TMEM181: variants seen among roughly 807,000 people sequenced by gnomAD.
TMEM181 encodes the protein G protein-coupled receptor 178.
In TMEM181, 39 loss-of-function variants were observed where a neutral mutation model predicts 71.9. That is an observed-to-expected ratio of 0.54 (90% CI 0.42 to 0.71). The LOEUF (loss-of-function observed/expected upper bound fraction) is 0.71, where lower values mean the gene tolerates loss of function less well. Among genes scored for constraint, TMEM181 ranks in the 30% least tolerant of loss-of-function variants. TMEM181 has a pLI of 0.00. For missense variants in TMEM181, 595 were observed against 583.0 expected (o/e 1.02, Z -0.21); for synonymous variants, 245 against 228.8 (o/e 1.07, Z -0.64).
intron 6 of TMEM181, among the ~76,000 whole-genome samples, chr6:158,591,436 G>A (rs1784104069): frequency 1.3e-5 from 2 of 152,080 alleles, no homozygotes; most frequent in African/African-American, 4.8e-5. Context: ...CTTTGCCTCA[G>A]CCAGCCTTTC....
At chr6:158,605,817 C>T (rs886265730) in intron 7 of TMEM181, among the ~76,000 whole-genome samples, 3 of 152,074 alleles carry the variant, frequency 2.0e-5, no homozygotes, top group African/African-American at 7.2e-5. Context: ...GGTTTGTGTC[C>T]ACAAACCCAC....
At chr6:158,624,545 T>C (rs1786159878) in intron 11 of TMEM181, among the ~76,000 whole-genome samples, 1 of 152,232 alleles carries the variant, frequency 6.6e-6, no homozygotes, top group Non-Finnish European at 1.5e-5. Context: ...CCATCACAGC[T>C]CCATCTTCAG....
Position 158,631,359 on chromosome 6 carries a change from T to C in TMEM181, c.1319T>C (p.Leu440Pro). 1.2e-6 allele frequency: 2 copies of C among 1,614,234 alleles called. No individual in the cohort carries two copies. Among genetic ancestry groups the C allele is most frequent in the South Asian group, 1.1e-5 (1 of 91,088 alleles). ...QLKDNPAFSMLNDSDDDVIYG... is the reference protein window; with the variant it reads ...QLKDNPAFSMPNDSDDDVIYG... ...AAAGACAATCCTGCCTTCTCCATGCTGAATGACTCGGATGATGATGTGATT... is the reference window on the plus strand; with the variant it reads ...AAAGACAATCCTGCCTTCTCCATGCCGAATGACTCGGATGATGATGTGATT... The change falls in exon 16 of 17, where the codon CTG becomes CCG. Residue 440 changes from leucine (L) to proline (P), a missense_variant. Transcript: ENST00000684151.
rs966386148 is a variant in TMEM181, at chr6:158,573,505, A to G, written c.94A>G (p.Ile32Val). 10 of 1,607,142 alleles carry G rather than the reference A, an allele frequency of 6.2e-6. No homozygotes were observed. The highest frequency in any genetic ancestry group is 1.3e-5 in the African/African-American group (1 of 74,840). Residue 32 changes from isoleucine to valine, a missense_variant, in exon 2 of 17, where the codon ATC (isoleucine) becomes GTC (valine). Ile to Val is a conservative substitution (Grantham distance 29). Transcript: ENST00000684151. ...CTTCTTCATCTGCTTTGGCCTGACC[A>G]TCTTCGTTGGGATCAGAGGTAAGGT... ...VVFFICFGLT[I>V]FVGIRGPKVI...
intron 10 of TMEM181, among the ~76,000 whole-genome samples, chr6:158,612,462 C>T (rs1410099984): frequency 6.6e-6 from 1 of 152,212 alleles, no homozygotes; most frequent in Non-Finnish European, 1.5e-5. Flanking sequence ...AGCCATGCTC[C>T]TGTCAGTTAA....
In TMEM181 at chr6:158,615,481, T is replaced by C. The variant is rs186910632; in HGVS notation, c.896+6731T>C. Among the ~76,000 whole-genome samples the C allele has an allele frequency of 9.2e-5, 14 of 152,370 alleles. No individual in the cohort carries two copies. The East Asian group carries it at 2.5e-3, about 27-fold the overall frequency. On this transcript the variant is annotated intron_variant, in intron 10 of 16. Transcript: ENST00000684151. ...TTTCTTTTGCTGTGCAGAAGCTCTT[T>C]AGTTTAATTAGATCCCATATGTCTA...
intron 2 of TMEM181, among the ~76,000 whole-genome samples, chr6:158,578,044 C>G (rs955764922): frequency 2.0e-5 from 3 of 152,006 alleles, no homozygotes; most frequent in Admixed American, 6.6e-5. Flanking sequence ...GAGCTGAGAT[C>G]GCGCCATTGC....
chr6:158,629,274 T>G (rs1583062112), intron 14 of TMEM181, among the ~76,000 whole-genome samples: 1 of 152,240 alleles, frequency 6.6e-6, no homozygotes, highest in African/African-American at 2.4e-5. Context: ...CACACTAAGC[T>G]TTTATCTGAT....
chr6:158,608,685 T>C lies in TMEM181; in HGVS notation c.831T>C (p.Tyr277=). The change falls in exon 10 of 17, where the codon TAT becomes TAC. Residue 277 remains tyrosine (Y), a synonymous_variant. Transcript: ENST00000684151. ...VQGERKCLTF[Y]LPKFFIVGLL... Reference sequence around the variant, plus strand: ...GAGAAAGAAAGTGTTTAACTTTCTATTTGCCTAAATTCTTCATTGTTGGAC... The same window carrying C: ...GAGAAAGAAAGTGTTTAACTTTCTACTTGCCTAAATTCTTCATTGTTGGAC... 1 of 1,611,508 alleles carries C rather than the reference T, an allele frequency of 6.2e-7. No individual in the cohort carries two copies. The highest frequency in any genetic ancestry group is 8.5e-7 in the Non-Finnish European group (1 of 1,179,412).
chr6:158,549,346 C>T (rs1316834077), intron 1 of TMEM181, among the ~76,000 whole-genome samples: 1 of 152,132 alleles, frequency 6.6e-6, no homozygotes, highest in Non-Finnish European at 1.5e-5. Context: ...GAACTCCTGA[C>T]GTCGTGATCC....
At chr6:158,539,664 A>G (rs781424553) in intron 1 of TMEM181, among the ~76,000 whole-genome samples, 1 of 152,248 alleles carries the variant, frequency 6.6e-6, no homozygotes, top group Non-Finnish European at 1.5e-5. Context: ...TATTTGCTAC[A>G]TAATTTGGCA....
At chr6:158,590,652 C>CA (rs1784057656) in intron 6 of TMEM181, among the ~76,000 whole-genome samples, 2 of 152,166 alleles carry the variant, frequency 1.3e-5, no homozygotes, top group Non-Finnish European at 2.9e-5. Flanking sequence ...TTAGTAGAGA[C>CA]AGAGTTTCAC....
intron 1 of TMEM181, among the ~76,000 whole-genome samples, chr6:158,552,986 A>G (rs943824220): frequency 1.6e-4 from 25 of 152,128 alleles, no homozygotes; most frequent in Non-Finnish European, 3.1e-4. Flanking sequence ...GCCTAGTTTG[A>G]GACCAGCCTG....
chr6:158,567,220 C>A (rs1031633358), intron 1 of TMEM181, among the ~76,000 whole-genome samples: 1 of 152,116 alleles, frequency 6.6e-6, no homozygotes, highest in South Asian at 2.1e-4. Context: ...TGTTGAGAGC[C>A]GGCAGGGGTT....
upstream of TMEM181, chr6:158,559,938 G>A (rs1782051865): frequency 6.3e-6 from 3 of 473,146 alleles, no homozygotes; most frequent in East Asian, 1.6e-4. Context: ...GCTAGCCTGG[G>A]TGCTCCCGGC....
chr6:158,592,548 C>A lies in TMEM181; in HGVS notation c.492+2766C>A, dbSNP rs189586352. Among the ~76,000 whole-genome samples the A allele has an allele frequency of 4.7e-4, 72 of 151,976 alleles. No individual in the cohort carries two copies. The East Asian group carries it at 9.5e-3, about 20-fold the overall frequency. ...AGTGCAGTGGCGCGATCACGGCTTA[C>A]TGTAACATCTGCCTCCCGGGTTCAG... is the stretch of plus-strand genomic sequence containing the variant. On this transcript the variant is annotated intron_variant, in intron 6 of 16. Coordinates refer to ENST00000684151, the MANE Select transcript of TMEM181 (RefSeq NM_001376852.1).
At chr6:158,579,677 C>T (rs559345588) in intron 2 of TMEM181, among the ~76,000 whole-genome samples, 9 of 152,190 alleles carry the variant, frequency 5.9e-5, no homozygotes, top group African/African-American at 2.2e-4. Flanking sequence ...CGAGATCCTG[C>T]CATTGCAGTC....
At chr6:158,559,761 T>G (rs543005516), upstream of TMEM181, among the ~76,000 whole-genome samples, 3 of 152,342 alleles carry the variant, frequency 2.0e-5, no homozygotes, top group South Asian at 6.2e-4. Flanking sequence ...ACACCCATAG[T>G]GTTTTCCAGA....
intron 13 of TMEM181, among the ~76,000 whole-genome samples, chr6:158,627,211 C>T (rs976619370): frequency 1.3e-5 from 2 of 152,184 alleles, no homozygotes; most frequent in African/African-American, 4.8e-5. Context: ...CACTCACACA[C>T]CCTCACCCTC....
Sources: gnomAD v4.1 joint callset for allele counts (sites outside exome capture counted in the v4.1 genomes callset) on GRCh38, gnomAD v4.1.1 for gene constraint, MANE v1.5 for transcripts, NCBI Gene and HGNC (gene_info 2026-07-23, HGNC 2026-07-21) for gene names.